TENM1: variants seen among roughly 807,000 people sequenced by gnomAD.
TENM1 encodes teneurin-1.
Under a neutral mutation model 174.8 loss-of-function variants are expected in TENM1, and 35 were observed. That is an observed-to-expected ratio of 0.20 (90% confidence interval 0.15 to 0.27). The LOEUF (loss-of-function observed/expected upper bound fraction) is 0.27, where lower values mean the gene tolerates loss of function less well. Ranked by LOEUF, TENM1 falls within the 10% of genes least tolerant of loss-of-function variation. TENM1 has a pLI of 1.00. For synonymous variants in TENM1, 781 were observed against 798.7 expected (o/e 0.98, Z 0.37); for missense variants, 1,633 against 2,130.1 (o/e 0.77, Z 4.59).
At chrX:124,755,984 G>A (rs1274624179) in intron 3 of TENM1, among the ~76,000 whole-genome samples, 5 of 100,088 alleles carry the variant, frequency 5.0e-5, no homozygotes, top group East Asian at 3.1e-4. Context: ...TGCTCTTCTC[G>A]AGGAGTATCT....
At chrX:124,444,334 T>G (rs2060942552) in intron 23 of TENM1, among the ~76,000 whole-genome samples, 1 of 112,137 alleles carries the variant, frequency 8.9e-6, no homozygotes, top group African/African-American at 3.2e-5. Context: ...AAGTGTAAGA[T>G]GAGGAGATGG....
chrX:124,925,940 A>G (rs1414802935), intron 1 of TENM1, among the ~76,000 whole-genome samples: 9 of 112,226 alleles, frequency 8.0e-5, no homozygotes, highest in Non-Finnish European at 1.3e-4. Flanking sequence ...TTTCTGCCCT[A>G]TGGGAGCACA....
intron 25 of TENM1, among the ~76,000 whole-genome samples, chrX:124,409,178 T>G (rs2060500902): frequency 1.8e-5 from 2 of 110,614 alleles, no homozygotes; most frequent in Non-Finnish European, 3.8e-5. Context: ...CCTTCGGGTA[T>G]ATACCCAGTA....
intron 5 of TENM1, 67 bp from the exon 9 acceptor site, chrX:124,671,902 C>T: frequency 9.1e-7 from 1 of 1,096,425 alleles, no homozygotes; most frequent in Non-Finnish European, 1.2e-6. Flanking sequence ...AGCCAGGTAT[C>T]CCTTTGCACC....
chrX:124,673,270 A>T (rs1353206193), intron 5 of TENM1, among the ~76,000 whole-genome samples: 1 of 111,871 alleles, frequency 8.9e-6, no homozygotes, highest in East Asian at 2.8e-4. Flanking sequence ...TGCTGGTGCC[A>T]GTGGAAGTTA....
chrX:124,757,140 C>T (rs1486523244), intron 3 of TENM1, among the ~76,000 whole-genome samples: 3 of 112,761 alleles, frequency 2.7e-5, no homozygotes, highest in Admixed American at 1.9e-4. Context: ...CTGTGGTTGG[C>T]TCCACCCAGT....
Position 124,540,098 on chromosome X carries a change from A to G in TENM1, c.2651+6776T>C, listed in dbSNP as rs537312260. Reference sequence around the variant, plus strand: ...ATGATCCATAGACTTACTGCAATTCATAATTATTTTAATTATTTATGTATT... The same window carrying G: ...ATGATCCATAGACTTACTGCAATTCGTAATTATTTTAATTATTTATGTATT... On this transcript the variant is annotated intron_variant, in intron 15 of 31. Transcript: ENST00000422452. Among the ~76,000 whole-genome samples the G allele has an allele frequency of 2.7e-5, 3 of 112,289 alleles. No homozygotes were observed. In the South Asian group the frequency reaches 1.1e-3, roughly 42 times the overall value.
intron 28 of TENM1, among the ~76,000 whole-genome samples, chrX:124,387,736 G>A (rs918045659): frequency 3.6e-5 from 4 of 112,311 alleles, no homozygotes; most frequent in Non-Finnish European, 5.6e-5. Flanking sequence ...CAAAGTCAGT[G>A]GTTATTTGCT....
At chrX:124,984,734 C>T in the TENM1 span, among the ~76,000 whole-genome samples, 1 of 112,093 alleles carries the variant, frequency 8.9e-6, no homozygotes, top group Non-Finnish European at 1.9e-5. Flanking sequence ...TCCTCCTCAG[C>T]CTTGGATAGA....
At position 124,529,844 on chromosome X, in the gene TENM1, C is replaced by G; in HGVS notation, c.2771+20G>C. On this transcript the variant is annotated intron_variant, in intron 16 of 31. Transcript: ENST00000422452. ...GTCAGTAATTGGCCCCCACAATGAT[C>G]AGAAACAACATTGACATACCTTCCA... 1 of 1,210,953 alleles carries G rather than the reference C, an allele frequency of 8.3e-7. No individual in the cohort carries two copies. The highest frequency in any genetic ancestry group is 1.1e-6 in the Non-Finnish European group (1 of 895,107).
At chrX:124,720,026 C>T (rs1471387231) in intron 4 of TENM1, among the ~76,000 whole-genome samples, 1 of 111,946 alleles carries the variant, frequency 8.9e-6, no homozygotes, top group Admixed American at 9.5e-5. Context: ...GCCTCACACA[C>T]AGTATGACCC....
At chrX:124,507,581 A>T (rs1354492686) in intron 18 of TENM1, among the ~76,000 whole-genome samples, 1 of 112,090 alleles carries the variant, frequency 8.9e-6, no homozygotes, top group East Asian at 2.8e-4. Flanking sequence ...AAGCCATTTG[A>T]CATTGGAAAA....
chrX:125,153,874 A>G, the TENM1 span, among the ~76,000 whole-genome samples: 1 of 112,378 alleles, frequency 8.9e-6, no homozygotes, highest in Admixed American at 9.4e-5. Context: ...TGCACTTAAT[A>G]GACCAGTTTG....
intron 3 of TENM1, among the ~76,000 whole-genome samples, chrX:124,802,191 G>T (rs2055472175): frequency 9.0e-6 from 1 of 111,706 alleles, no homozygotes; most frequent in Admixed American, 9.5e-5. Context: ...GAGGCACTCT[G>T]GCCTTTTGGG....
chrX:125,033,683 G>A, the TENM1 span, among the ~76,000 whole-genome samples: 29 of 109,915 alleles, frequency 2.6e-4, no homozygotes, highest in African/African-American at 8.6e-4. Context: ...ACATTTTACC[G>A]TATACAGATG....
the TENM1 span, among the ~76,000 whole-genome samples, chrX:124,984,003 G>A: frequency 4.5e-5 from 5 of 111,899 alleles, no homozygotes; most frequent in Admixed American, 3.8e-4. Context: ...AAATAACAAT[G>A]CTATTCAATA....
intron 4 of TENM1, among the ~76,000 whole-genome samples, chrX:124,729,313 G>T (rs979262261): frequency 8.9e-6 from 1 of 112,223 alleles, no homozygotes; most frequent in Non-Finnish European, 1.9e-5. Flanking sequence ...CTTTCTATGT[G>T]CCTGGCTCTG....
chrX:124,933,513 A>G (rs2058203291), intron 1 of TENM1, among the ~76,000 whole-genome samples: 1 of 112,607 alleles, frequency 8.9e-6, no homozygotes, highest in Admixed American at 9.4e-5. Flanking sequence ...AGGAGGGACT[A>G]GAAATTATCC....
At chrX:125,068,352 T>C in the TENM1 span, among the ~76,000 whole-genome samples, 1 of 110,793 alleles carries the variant, frequency 9.0e-6, no homozygotes. Flanking sequence ...AGACAAAGGG[T>C]GAGAAGAAAG....
Sources: gnomAD v4.1 joint callset for allele counts (sites outside exome capture counted in the v4.1 genomes callset) on GRCh38, gnomAD v4.1.1 for gene constraint, MANE v1.5 for transcripts, NCBI Gene and HGNC (gene_info 2026-07-23, HGNC 2026-07-21) for gene names.